The following SEMA3C variants were observed in gnomAD, a reference collection of about 807,000 sequenced individuals.
SEMA3C encodes the protein semaphorin-3C.
In SEMA3C, 47 loss-of-function variants were observed where a neutral mutation model predicts 89.4. The observed-to-expected ratio is 0.53, with a 90% CI of 0.42 to 0.67. SEMA3C has a LOEUF of 0.67. Ranked by LOEUF, SEMA3C falls within the 30% of genes least tolerant of loss-of-function variation. SEMA3C has a pLI of 0.00. For synonymous variants in SEMA3C, 310 were observed against 320.2 expected, an observed-to-expected ratio of 0.97 and a Z score of 0.34; for missense variants, 839 against 929.1, an observed-to-expected ratio of 0.90 and a Z score of 1.26.
At chr7:80,875,558 A>C (rs78360947) in intron 2 of SEMA3C, among the ~76,000 whole-genome samples, 5,174 of 152,194 alleles carry the variant, frequency 0.034, 117 homozygotes, top group Non-Finnish European at 0.047. Flanking sequence ...AAAAATAAAC[A>C]ATTTACAAGT....
At chr7:80,808,643 A>G (rs894480089) in intron 6 of SEMA3C, among the ~76,000 whole-genome samples, 2 of 152,170 alleles carry the variant, frequency 1.3e-5, no homozygotes, top group African/African-American at 4.8e-5. Context: ...TTTTGAACAC[A>G]ATAATTATTT....
At chr7:80,789,200 A>G (rs1280904353) in intron 12 of SEMA3C, 106 bp downstream of exon 12, 10 of 854,248 alleles carry the variant, frequency 1.2e-5, no homozygotes, top group Non-Finnish European at 1.9e-5. Flanking sequence ...GACAGACGTA[A>G]TTATTGGAGT....
At chr7:80,827,346 C>A in intron 4 of SEMA3C, 79 bp downstream of exon 4, 1 of 1,374,602 alleles carries the variant, frequency 7.3e-7, no homozygotes, top group Non-Finnish European at 9.5e-7. Context: ...TCATTTTTGG[C>A]TTCCCTCAAA....
At chr7:80,864,903 T>A (rs1316844598) in intron 2 of SEMA3C, among the ~76,000 whole-genome samples, 1 of 152,146 alleles carries the variant, frequency 6.6e-6, no homozygotes, top group Non-Finnish European at 1.5e-5. Context: ...GTACCTTAAT[T>A]TTCCCAGACA....
At chr7:80,812,740 T>C (rs1175179669) in intron 5 of SEMA3C, among the ~76,000 whole-genome samples, 1 of 152,006 alleles carries the variant, frequency 6.6e-6, no homozygotes, top group Non-Finnish European at 1.5e-5. Context: ...CCCAGTTCGT[T>C]AGGCTTTTCT....
At chr7:80,762,335 C>A (rs569624392) in intron 13 of SEMA3C, among the ~76,000 whole-genome samples, 19 of 152,098 alleles carry the variant, frequency 1.2e-4, no homozygotes, top group Admixed American at 1.2e-3. Context: ...TTCGGAAAGA[C>A]AATATATTAG....
intron 4 of SEMA3C, among the ~76,000 whole-genome samples, chr7:80,821,641 T>C (rs1440712309): frequency 6.6e-6 from 1 of 152,174 alleles, no homozygotes; most frequent in Admixed American, 6.5e-5. Flanking sequence ...GGATGCACAG[T>C]TGTTTTTATA....
intron 2 of SEMA3C, among the ~76,000 whole-genome samples, chr7:80,853,653 G>A (rs1790568217): frequency 6.6e-6 from 1 of 152,152 alleles, no homozygotes; most frequent in South Asian, 2.1e-4. Context: ...AGAGGAAGTG[G>A]AGATGGCTGA....
At chr7:80,798,041 A>C (rs757918811) in intron 11 of SEMA3C, 51 bp downstream of exon 11, 4 of 1,533,296 alleles carry the variant, frequency 2.6e-6, no homozygotes, top group Non-Finnish European at 3.5e-6. Flanking sequence ...ATTACCTGTT[A>C]AATGAGTTTT....
rs528646080 is a variant in SEMA3C at position 80,745,682 on chromosome 7, A to T, written c.1843-375T>A. On this transcript the variant is annotated intron_variant, in intron 17 of 17. Coordinates refer to ENST00000265361, the MANE Select transcript of SEMA3C (RefSeq NM_006379.5). ...AAATGAAACTCATAGATACTTTAAA[A>T]TATCTATTCTATCCTGGTGTTCTAG... is the stretch of plus-strand genomic sequence containing the variant. 3.9e-5 allele frequency among the ~76,000 whole-genome samples: 6 copies of T among 152,278 alleles called. No individual in the cohort carries two copies. In the South Asian group the frequency reaches 1.2e-3, roughly 32 times the overall value.
At chr7:80,765,724 C>A (rs1442619904) in intron 12 of SEMA3C, among the ~76,000 whole-genome samples, 2 of 151,898 alleles carry the variant, frequency 1.3e-5, no homozygotes, top group East Asian at 1.9e-4. Flanking sequence ...TTACAGGTGC[C>A]CGCCACCACG....
At position 80,765,262 on chromosome 7, in the gene SEMA3C, A is replaced by G. The variant is rs1319290274; in HGVS notation, c.1355-19T>C. 1 of 1,559,134 alleles carries G rather than the reference A, an allele frequency of 6.4e-7. No individual in the cohort carries two copies. The highest frequency in any genetic ancestry group is 8.8e-7 in the Non-Finnish European group (1 of 1,132,036). Reference sequence around the variant, plus strand: ...CCCCGATCTAAATTAAAAAAAGAAGAAATGAGATGTTACAATACTTTTTAA... The same window carrying G: ...CCCCGATCTAAATTAAAAAAAGAAGGAATGAGATGTTACAATACTTTTTAA... On this transcript the variant is annotated intron_variant, in intron 12 of 17. Coordinates refer to ENST00000265361, the MANE Select transcript of SEMA3C (RefSeq NM_006379.5).
chr7:80,748,747 G>A, intron 17 of SEMA3C, 151 bp downstream of exon 17: 1 of 710,436 alleles, frequency 1.4e-6, no homozygotes, highest in Non-Finnish European at 2.3e-6. Context: ...AAGGACAAAG[G>A]ATTTTAAGGA....
intron 2 of SEMA3C, among the ~76,000 whole-genome samples, chr7:80,844,207 T>C (rs764983561): frequency 1.1e-4 from 16 of 152,266 alleles, no homozygotes; most frequent in Middle Eastern, 6.8e-3. Context: ...ATACGAAATA[T>C]GTAAGTTGCT....
chr7:80,756,275 C>T (rs1056502069), intron 15 of SEMA3C, among the ~76,000 whole-genome samples: 7 of 152,148 alleles, frequency 4.6e-5, no homozygotes, highest in African/African-American at 1.7e-4. Flanking sequence ...CTCTAACCTC[C>T]CACATCCAAA....
intron 2 of SEMA3C, among the ~76,000 whole-genome samples, chr7:80,896,327 T>C (rs1365431778): frequency 2.0e-5 from 3 of 152,146 alleles, no homozygotes; most frequent in African/African-American, 7.2e-5. Flanking sequence ...ATCACAGTTA[T>C]GTAAAAACTT....
intron 12 of SEMA3C, among the ~76,000 whole-genome samples, chr7:80,781,054 T>C (rs1259251627): frequency 6.6e-6 from 1 of 152,214 alleles, no homozygotes; most frequent in Non-Finnish European, 1.5e-5. Context: ...TTCCTTGGCA[T>C]ATGGTCTCAT....
chr7:80,908,646 T>A (rs1792070375), intron 2 of SEMA3C, among the ~76,000 whole-genome samples: 1 of 152,276 alleles, frequency 6.6e-6, no homozygotes, highest in South Asian at 2.1e-4. Flanking sequence ...TACATCCCCG[T>A]TATCTGTGCT....
chr7:80,751,123 T>C (rs1787925260), intron 16 of SEMA3C, 146 bp downstream of exon 16: 1 of 596,754 alleles, frequency 1.7e-6, no homozygotes, highest in Non-Finnish European at 2.9e-6. Flanking sequence ...TAAGTTTTAA[T>C]TACCCTATAT....
Sources: gnomAD v4.1 joint callset for allele counts (sites outside exome capture counted in the v4.1 genomes callset) on GRCh38, gnomAD v4.1.1 for gene constraint, MANE v1.5 for transcripts, NCBI Gene and HGNC (gene_info 2026-07-23, HGNC 2026-07-21) for gene names.